The following HIBADH variants were observed in gnomAD, a reference collection of about 807,000 sequenced individuals.
HIBADH encodes 3-hydroxyisobutyrate dehydrogenase, mitochondrial.
HIBADH carries 25 observed loss-of-function variants against 36.1 expected under a neutral mutation model. The observed-to-expected ratio is 0.69, with a 90% CI of 0.50 to 0.97. The LOEUF is 0.97. Ranked by LOEUF, HIBADH falls within the 50% of genes least tolerant of loss-of-function variation. The probability of loss-of-function intolerance (pLI) is 0.00; values close to 1 mark genes in which losing one functional copy is unlikely to be tolerated. For missense variants in HIBADH, 421 were observed against 418.0 expected (o/e 1.01, Z -0.06); for synonymous variants, 160 against 149.5 (o/e 1.07, Z -0.51).
intron 4 of HIBADH, among the ~76,000 whole-genome samples, chr7:27,565,280 C>G (rs1320046811): frequency 6.6e-6 from 1 of 152,140 alleles, no homozygotes; most frequent in Non-Finnish European, 1.5e-5. Context: ...GGCTCTTGCC[C>G]ACGTTTTCCT....
intron 2 of HIBADH, among the ~76,000 whole-genome samples, chr7:27,641,949 CAAG>C (rs3072924): frequency 0.76 from 114,894 of 151,702 alleles, 43,934 homozygotes; most frequent in East Asian, 0.94. Flanking sequence ...GGAAGAGAGG[CAAG>C]AAGATTCTGT....
At chr7:27,639,761 G>A (rs914059717) in intron 2 of HIBADH, among the ~76,000 whole-genome samples, 2 of 151,760 alleles carry the variant, frequency 1.3e-5, no homozygotes, top group Non-Finnish European at 2.9e-5. Context: ...ATACGGAAAC[G>A]TCCACATATT....
At chr7:27,588,094 A>G (rs946969855) in intron 4 of HIBADH, among the ~76,000 whole-genome samples, 3 of 152,196 alleles carry the variant, frequency 2.0e-5, no homozygotes, top group African/African-American at 7.2e-5. Flanking sequence ...AATCTTTAGG[A>G]TCTTTACTCT....
chr7:27,652,398 G>C (rs1786211199), intron 1 of HIBADH, among the ~76,000 whole-genome samples: 1 of 148,960 alleles, frequency 6.7e-6, no homozygotes, highest in Admixed American at 6.7e-5. Flanking sequence ...TATTGAAACA[G>C]TGGGCAAGAG....
At chr7:27,585,224 T>A (rs1784841486) in intron 4 of HIBADH, among the ~76,000 whole-genome samples, 1 of 151,632 alleles carries the variant, frequency 6.6e-6, no homozygotes, top group Admixed American at 6.6e-5. Flanking sequence ...CGTGTGTATA[T>A]TTGCATGTGC....
chr7:27,572,025 C>A (rs556007108), intron 4 of HIBADH, among the ~76,000 whole-genome samples: 1 of 152,118 alleles, frequency 6.6e-6, no homozygotes, highest in Non-Finnish European at 1.5e-5. Flanking sequence ...AAGTTATGGC[C>A]TCTTTGGGCA....
In HIBADH at chr7:27,526,305, T is replaced by C; in HGVS notation, c.920A>G (p.His307Arg). Residue 307 changes from histidine to arginine, a missense_variant, in exon 8 of 8, where the codon CAT becomes CGT. By Grantham distance (29) the His-to-Arg change is conservative. Transcript: ENST00000265395. ...KSPILLGSLA[H>R]QIYRMMCAKG... The stretch of plus-strand genomic sequence containing the variant: ...TGCACACATCATCCTGTAGATCTGA[T>C]GGGCCAGACTGCCAAGAAGGATTGG... 2 of 1,613,790 alleles carry C rather than the reference T, an allele frequency of 1.2e-6. No homozygotes were observed. The highest frequency in any genetic ancestry group is 1.7e-6 in the Non-Finnish European group (2 of 1,179,868).
At chr7:27,600,420 C>G (rs1785111193) in intron 4 of HIBADH, among the ~76,000 whole-genome samples, 1 of 152,170 alleles carries the variant, frequency 6.6e-6, no homozygotes, top group Non-Finnish European at 1.5e-5. Context: ...CCAATCCAAC[C>G]AACCACAGGA....
At chr7:27,619,832 A>C (rs1000267370) in intron 4 of HIBADH, among the ~76,000 whole-genome samples, 8 of 152,252 alleles carry the variant, frequency 5.3e-5, no homozygotes, top group Non-Finnish European at 1.0e-4. Context: ...ACAGTGACCA[A>C]ATATACAAAT....
intron 4 of HIBADH, among the ~76,000 whole-genome samples, chr7:27,618,098 G>A (rs1307033549): frequency 1.3e-5 from 2 of 152,202 alleles, no homozygotes; most frequent in Non-Finnish European, 2.9e-5. Context: ...CAAAGGAAGA[G>A]TGAACTCTTC....
chr7:27,662,815 G>A lies in HIBADH; in HGVS notation c.-27C>T. 1 of 1,454,596 alleles carries A rather than the reference G, an allele frequency of 6.9e-7. No individual in the cohort carries two copies. Among genetic ancestry groups the A allele is most frequent in the Non-Finnish European group, 9.1e-7 (1 of 1,097,712 alleles). The allele number at this position is 1,454,596 out of a possible 1,614,324, so 90.1% of individuals were successfully genotyped here. ...CTGCGCCCGCCCCTCTCCCCGCGGT[G>A]ACCTCCGCCGCCTCCCGGAGGGCCC... On this transcript the variant is annotated 5_prime_UTR_variant, in exon 1 of 8. Coordinates refer to ENST00000265395, the MANE Select transcript of HIBADH (RefSeq NM_152740.4).
At chr7:27,630,085 A>G (rs1036146134) in intron 3 of HIBADH, among the ~76,000 whole-genome samples, 3 of 152,196 alleles carry the variant, frequency 2.0e-5, no homozygotes, top group Admixed American at 1.3e-4. Context: ...GAATCTGGAA[A>G]TCTCACAGTC....
chr7:27,646,162 C>G (rs1173163036), intron 2 of HIBADH, among the ~76,000 whole-genome samples: 1 of 152,156 alleles, frequency 6.6e-6, no homozygotes, highest in Non-Finnish European at 1.5e-5. Flanking sequence ...TAAATTGTAA[C>G]TCCGTGGGTA....
intron 2 of HIBADH, 22 bp downstream of exon 2, chr7:27,649,451 A>T: frequency 6.4e-7 from 1 of 1,551,530 alleles, no homozygotes. Flanking sequence ...AATCTAAAAC[A>T]AATCTAAAGA....
At chr7:27,536,211 G>T (rs1784067973) in intron 6 of HIBADH, among the ~76,000 whole-genome samples, 1 of 152,058 alleles carries the variant, frequency 6.6e-6, no homozygotes, top group South Asian at 2.1e-4. Flanking sequence ...AATAGCAGAA[G>T]CATTCATTTT....
chr7:27,642,675 G>A (rs1423300638), intron 2 of HIBADH, among the ~76,000 whole-genome samples: 16 of 119,264 alleles, frequency 1.3e-4, no homozygotes, highest in Admixed American at 1.0e-3. Context: ...TTTTTGAGAC[G>A]GAGTCTCGCT....
Position 27,542,438 on chromosome 7 carries a change from GTTTTTTTTT to G in HIBADH, c.618+520_618+528del, listed in dbSNP as rs150575250. Among the ~76,000 whole-genome samples the G allele has an allele frequency of 7.9e-4, 54 of 68,158 alleles. 3 individuals carry two copies. The East Asian group carries it at 0.021, about 26-fold the overall frequency. The allele number at this position is 68,158 out of a possible 152,430, so 44.7% of individuals were successfully genotyped here. On this transcript the variant is annotated intron_variant, in intron 5 of 7. Transcript: ENST00000265395. The stretch of plus-strand genomic sequence containing the variant: ...ATCCTAATAATGAATTTTTTTTCCC[GTTTTTTTTT>G]TTTTTTTTTTTTTTTTTGAGATAGG...
At chr7:27,585,706 A>C (rs1347104856) in intron 4 of HIBADH, among the ~76,000 whole-genome samples, 2 of 152,198 alleles carry the variant, frequency 1.3e-5, no homozygotes, top group Non-Finnish European at 2.9e-5. Flanking sequence ...GAAGTGTATA[A>C]ATTGGTTTCA....
chr7:27,587,227 A>G (rs1016904601), intron 4 of HIBADH, among the ~76,000 whole-genome samples: 2 of 152,158 alleles, frequency 1.3e-5, no homozygotes. Context: ...ATGAACAGCC[A>G]AAGTCCACAG....
Sources: gnomAD v4.1 joint callset for allele counts (sites outside exome capture counted in the v4.1 genomes callset) on GRCh38, gnomAD v4.1.1 for gene constraint, MANE v1.5 for transcripts, NCBI Gene and HGNC (gene_info 2026-07-23, HGNC 2026-07-21) for gene names.